MEST: variants seen among roughly 807,000 people sequenced by gnomAD.
MEST encodes the protein mesoderm specific transcript.
Under a neutral mutation model 50.9 loss-of-function variants are expected in MEST, and 18 were observed. The ratio of observed to expected loss-of-function variants is 0.35; its 90% CI spans 0.24 to 0.52. The LOEUF (loss-of-function observed/expected upper bound fraction) is 0.52. MEST is among the 20% of genes least tolerant of loss of function. The pLI is 0.94. For synonymous variants in MEST, 130 were observed against 154.1 expected (o/e 0.84, Z 1.16); for missense variants, 282 against 425.3 (o/e 0.66, Z 2.96).
At position 130,495,632 on chromosome 7, in the gene MEST, G is replaced by A. The variant is rs77290897; in HGVS notation, c.181+110G>A. On this transcript the variant is annotated intron_variant, in intron 2 of 11. Transcript: ENST00000223215. ...TGTTGCTCCTTAATGATGGAGGAGA[G>A]TATCTCTCTCTCTTTCTGTGTAGTG... 3.0e-3 allele frequency: 3,443 copies of A among 1,134,658 alleles called. 55 individuals are homozygous for A. The African/African-American group carries it at 0.043, about 14-fold the overall frequency. 70.3% of individuals were successfully genotyped at this position (1,134,658 alleles called of 1,614,324 possible). A position where few individuals can be genotyped will look rare whatever the true frequency, so the allele number is the denominator to read the frequency against.
upstream of MEST, chr7:130,488,686 T>G (rs1170442786): frequency 1.3e-5 from 2 of 152,258 alleles, no homozygotes; most frequent in Admixed American, 1.3e-4. Context: ...ATGCTCATGG[T>G]AGGAGCTTAA....
intron 2 of MEST, chr7:130,495,955 T>C: frequency 2.8e-6 from 1 of 354,936 alleles, no homozygotes. Flanking sequence ...GTGATGATGA[T>C]TATTATGACC....
intron 11 of MEST, among the ~76,000 whole-genome samples, chr7:130,504,478 G>C (rs540745646): frequency 1.3e-5 from 2 of 152,306 alleles, no homozygotes; most frequent in African/African-American, 4.8e-5. Context: ...TGTCACATAA[G>C]AATGTTCCAT....
chr7:130,492,863 T>C lies in MEST; in HGVS notation c.26+524T>C, dbSNP rs1419476056. Among the ~76,000 whole-genome samples, 4 of 152,026 alleles carry C rather than the reference T, an allele frequency of 2.6e-5. No individual in the cohort carries two copies. The highest frequency in any genetic ancestry group is 4.1e-4 in the South Asian group (2 of 4,822). On this transcript the variant is annotated intron_variant, in intron 1 of 11. Coordinates refer to ENST00000223215, the MANE Select transcript of MEST (RefSeq NM_002402.4). This position sits in a 1 kb window ranked among gnomAD's most constrained non-coding sequence, Gnocchi z 7.6. ...TTGCCGTGGCGCGATTTAGGATTTA[T>C]AGATCCCGGCAAAGCCCTGGTGCGA...
chr7:130,498,958 A>G (rs1233582487), intron 6 of MEST, among the ~76,000 whole-genome samples: 4 of 152,352 alleles, frequency 2.6e-5, no homozygotes, highest in East Asian at 1.9e-4. Context: ...AATGTCATCA[A>G]TGGGTTCTTG....
chr7:130,489,329 G>C (rs1310554254), upstream of MEST: 1 of 152,202 alleles, frequency 6.6e-6, no homozygotes, highest in Non-Finnish European at 1.5e-5. Flanking sequence ...CACAGTCCAG[G>C]ATAGCATCTG....
chr7:130,502,201 C>G (rs1315090986), intron 9 of MEST, among the ~76,000 whole-genome samples: 1 of 152,086 alleles, frequency 6.6e-6, no homozygotes, highest in Non-Finnish European at 1.5e-5. Context: ...CACTGCACTC[C>G]AGCCTAGGTA....
chr7:130,503,773 A>C (rs1322068631), intron 10 of MEST, among the ~76,000 whole-genome samples, 160 bp from the exon 11 acceptor site: 1 of 152,162 alleles, frequency 6.6e-6, no homozygotes, highest in Admixed American at 6.5e-5. Context: ...CTATGACTGC[A>C]CCACTGCACT....
chr7:130,492,149 C>T lies in MEST; in HGVS notation c.-165C>T. ...CAGCTGCGCCTCGCAAGCGCAGTGC[C>T]GCAGCGCACGCCGGAGTGGCTGTAG... On this transcript the variant is annotated 5_prime_UTR_variant, in exon 1 of 12. Coordinates refer to ENST00000223215, the MANE Select transcript of MEST (RefSeq NM_002402.4). This position sits in a 1 kb window ranked among gnomAD's most constrained non-coding sequence, Gnocchi z 7.6. 2.7e-6 allele frequency: 1 copy of T among 365,250 alleles called. No homozygotes were observed. Among genetic ancestry groups the T allele is most frequent in the Non-Finnish European group, 4.5e-6 (1 of 223,486 alleles). The allele number at this position is 365,250 out of a possible 1,614,324, so 22.6% of individuals were successfully genotyped here. A position where few individuals can be genotyped will look rare whatever the true frequency, so the allele number is the denominator to read the frequency against.
intron 9 of MEST, among the ~76,000 whole-genome samples, chr7:130,502,428 A>G (rs933216224): frequency 6.6e-6 from 1 of 152,188 alleles, no homozygotes; most frequent in Non-Finnish European, 1.5e-5. Context: ...ACTAATTCTT[A>G]TATTGATAGT....
chr7:130,496,202 T>C (rs1159678639), intron 2 of MEST: 1 of 458,924 alleles, frequency 2.2e-6, no homozygotes, highest in African/African-American at 2.0e-5. Context: ...TTTGCTATAT[T>C]CAATTAAGTA....
upstream of MEST, among the ~76,000 whole-genome samples, chr7:130,490,668 A>G (rs1798769055): frequency 6.6e-6 from 1 of 152,214 alleles, no homozygotes. Context: ...AAAATTTTAC[A>G]AAGTGGCAGT....
Position 130,505,241 on chromosome 7 carries a change from A to C in MEST, c.*185A>C. 1.8e-6 allele frequency: 1 copy of C among 551,188 alleles called. No homozygotes were observed. Among genetic ancestry groups the C allele is most frequent in the Non-Finnish European group, 3.3e-6 (1 of 304,864 alleles). 34.1% of individuals were successfully genotyped at this position (551,188 alleles called of 1,614,324 possible). On this transcript the variant is annotated 3_prime_UTR_variant, in exon 12 of 12. Transcript: ENST00000223215. Reference sequence around the variant, plus strand: ...AGCAGGAGCTCTGACTAAGGTTGACATAATAGTCCACCTCCCATTACTTTG... The same window carrying C: ...AGCAGGAGCTCTGACTAAGGTTGACCTAATAGTCCACCTCCCATTACTTTG...
chr7:130,500,324 C>A lies in MEST; in HGVS notation c.577-138C>A. The A allele has an allele frequency of 2.9e-6, 2 of 684,354 alleles. No homozygotes were observed. The highest frequency in any genetic ancestry group is 4.9e-6 in the Non-Finnish European group (2 of 409,922). 42.4% of individuals were successfully genotyped at this position (684,354 alleles called of 1,614,324 possible). On this transcript the variant is annotated intron_variant, in intron 7 of 11. Transcript: ENST00000223215. This position sits in a 1 kb window ranked among gnomAD's most constrained non-coding sequence, Gnocchi z 5.0. ...TCCTTGAGAGAAGAATGCGGGTAGG[C>A]AAAACAAAATGCCAAGTACCAAACC...
chr7:130,498,309 T>G, intron 5 of MEST, 34 bp downstream of exon 5: 1 of 1,612,628 alleles, frequency 6.2e-7, no homozygotes, highest in Admixed American at 1.7e-5. Context: ...CTTATGATGC[T>G]AGGAAAGTAC....
In MEST at chr7:130,492,779, T is replaced by A. The variant is rs1029180904; in HGVS notation, c.26+440T>A. On this transcript the variant is annotated intron_variant, in intron 1 of 11. Coordinates refer to ENST00000223215, the MANE Select transcript of MEST (RefSeq NM_002402.4). This position sits in a 1 kb window ranked among gnomAD's most constrained non-coding sequence, Gnocchi z 7.6. ...ACCCCCAGCATCGCCCTGGTTTGATTTAGGATATTTAGACTCCGGCTTCCC... is the reference window on the plus strand; with the variant it reads ...ACCCCCAGCATCGCCCTGGTTTGATATAGGATATTTAGACTCCGGCTTCCC... 2.0e-5 allele frequency among the ~76,000 whole-genome samples: 3 copies of A among 150,850 alleles called. No individual in the cohort carries two copies. Among genetic ancestry groups the A allele is most frequent in the East Asian group, 1.9e-4 (1 of 5,144 alleles).
In MEST at chr7:130,499,905, T is replaced by G; in HGVS notation, c.566T>G (p.Leu189Arg). ...TTTCCTGAGACTCACCGTCCACTCC[T>G]TCTCCAAAAGGTTGGTACTTCACTG... ...GIFPETHRPL[L>R]LQKLLKDGGV... Residue 189 changes from leucine (L) to arginine (R), a missense_variant, in exon 7 of 12, where the codon CTT becomes CGT. By Grantham distance (102) the Leu-to-Arg change is moderately radical. Coordinates refer to ENST00000223215, the MANE Select transcript of MEST (RefSeq NM_002402.4). 3.1e-6 allele frequency: 5 copies of G among 1,612,790 alleles called. No homozygotes were observed. Among genetic ancestry groups the G allele is most frequent in the Non-Finnish European group, 4.2e-6 (5 of 1,179,328 alleles).
chr7:130,501,685 C>T (rs1799280378), intron 9 of MEST, among the ~76,000 whole-genome samples: 1 of 151,728 alleles, frequency 6.6e-6, no homozygotes, highest in Non-Finnish European at 1.5e-5. Context: ...AAGCTTTGTG[C>T]TCATCAACAT....
At chr7:130,498,782 T>C (rs1458740698) in intron 6 of MEST, 8 of 468,346 alleles carry the variant, frequency 1.7e-5, no homozygotes, top group African/African-American at 5.9e-5. Context: ...CAAGTTCTAG[T>C]GGAGGACCTA....
Sources: allele counts gnomAD v4.1 joint callset (sites outside exome capture counted in the v4.1 genomes callset), GRCh38; gene constraint gnomAD v4.1.1; non-coding constraint Gnocchi (gnomAD v3.1); transcripts MANE v1.5; gene names NCBI Gene and HGNC (gene_info 2026-07-23, HGNC 2026-07-21).